MNAT1: variants seen among roughly 807,000 people sequenced by gnomAD.
MNAT1 encodes the protein CDK-activating kinase assembly factor MAT1.
In MNAT1, 43 loss-of-function variants were observed where a neutral mutation model predicts 42.0. The ratio of observed to expected loss-of-function variants is 1.02; its 90% CI spans 0.80 to 1.32. The LOEUF (loss-of-function observed/expected upper bound fraction) is 1.32, where lower values mean the gene tolerates loss of function less well. Among genes scored for constraint, MNAT1 ranks in the 40% most tolerant of loss-of-function variants. MNAT1 has a pLI of 0.00. For missense variants in MNAT1, 306 were observed against 350.4 expected (o/e 0.87, Z 1.01); for synonymous variants, 118 against 120.0 (o/e 0.98, Z 0.11).
chr14:60,779,136 G>C (rs967880726), intron 1 of MNAT1, among the ~76,000 whole-genome samples: 1 of 152,094 alleles, frequency 6.6e-6, no homozygotes, highest in African/African-American at 2.4e-5. Context: ...TCCTGGTAAG[G>C]GTAATTGACT....
At chr14:60,738,750 G>A (rs565445744) in intron 1 of MNAT1, among the ~76,000 whole-genome samples, 11 of 152,154 alleles carry the variant, frequency 7.2e-5, no homozygotes, top group East Asian at 1.9e-4. Context: ...GGTCAGGCTG[G>A]TCTTGAACTC....
chr14:60,904,989 TTTTTG>T (rs1375403156), intron 7 of MNAT1, among the ~76,000 whole-genome samples: 4 of 137,200 alleles, frequency 2.9e-5, no homozygotes, highest in South Asian at 2.4e-4. Context: ...TTTTTTTTTT[TTTTTG>T]GACGGAGTCT....
chr14:60,770,326 A>G (rs2031005708), intron 1 of MNAT1, among the ~76,000 whole-genome samples: 1 of 152,122 alleles, frequency 6.6e-6, no homozygotes, highest in Non-Finnish European at 1.5e-5. Context: ...CTATTCATCC[A>G]TCAGTGGATA....
At chr14:60,839,650 A>C (rs1351503272) in intron 6 of MNAT1, among the ~76,000 whole-genome samples, 1 of 152,220 alleles carries the variant, frequency 6.6e-6, no homozygotes, top group Non-Finnish European at 1.5e-5. Flanking sequence ...CCAGAGCCAG[A>C]GCTATGACAC....
chr14:60,858,909 C>G (rs1056221566), intron 6 of MNAT1, among the ~76,000 whole-genome samples: 1 of 152,258 alleles, frequency 6.6e-6, no homozygotes, highest in Middle Eastern at 3.4e-3. Flanking sequence ...ATAAACATAG[C>G]TTTTACATGC....
intron 6 of MNAT1, among the ~76,000 whole-genome samples, chr14:60,868,426 G>C (rs1158577416): frequency 2.6e-5 from 4 of 152,154 alleles, no homozygotes; most frequent in Admixed American, 2.6e-4. Flanking sequence ...AAATATTCTG[G>C]TTTCTGATTC....
intron 1 of MNAT1, among the ~76,000 whole-genome samples, chr14:60,755,950 T>C (rs1003547297): frequency 6.6e-6 from 1 of 152,216 alleles, no homozygotes; most frequent in Non-Finnish European, 1.5e-5. Context: ...ATGGGACCGC[T>C]TTCTAAAAAT....
rs186405276 is a variant in MNAT1, at chr14:60,793,184, T to G, written c.90-3033T>G. ...ATGCCCGGCTAATTTGTTGGTGTTG[T>G]TGTTGTTGTTTTTTGCTTGTTTGTT... On this transcript the variant is annotated intron_variant, in intron 1 of 7. Coordinates refer to ENST00000261245, the MANE Select transcript of MNAT1 (RefSeq NM_002431.4). 3.4e-3 allele frequency among the ~76,000 whole-genome samples: 520 copies of G among 151,594 alleles called. 3 individuals are homozygous for G. Among genetic ancestry groups the G allele is most frequent in the African/African-American group, 0.012 (504 of 41,334 alleles).
intron 6 of MNAT1, among the ~76,000 whole-genome samples, chr14:60,866,230 G>A (rs1213232590): frequency 6.6e-6 from 1 of 151,044 alleles, no homozygotes. Context: ...TTTACATAAA[G>A]AGATTAAAAT....
intron 7 of MNAT1, among the ~76,000 whole-genome samples, chr14:60,894,893 C>T (rs1031441310): frequency 1.3e-5 from 2 of 152,100 alleles, no homozygotes; most frequent in Admixed American, 1.3e-4. Flanking sequence ...TAAATCTTGG[C>T]CGTAACAGTT....
chr14:60,942,132 A>G (rs2036177212), intron 7 of MNAT1, among the ~76,000 whole-genome samples: 1 of 151,962 alleles, frequency 6.6e-6, no homozygotes, highest in Non-Finnish European at 1.5e-5. Flanking sequence ...TGATGAAAAT[A>G]CTTTTAGGGA....
intron 1 of MNAT1, among the ~76,000 whole-genome samples, chr14:60,760,301 A>C (rs2030548005): frequency 6.6e-6 from 1 of 152,138 alleles, no homozygotes; most frequent in African/African-American, 2.4e-5. Flanking sequence ...GGAAATTTAG[A>C]AATATGAAAT....
intron 6 of MNAT1, among the ~76,000 whole-genome samples, chr14:60,828,827 C>T (rs986489080): frequency 1.3e-5 from 2 of 152,122 alleles, no homozygotes; most frequent in African/African-American, 4.8e-5. Flanking sequence ...CTTTGGGAAA[C>T]ACTTATGTCT....
intron 7 of MNAT1, among the ~76,000 whole-genome samples, chr14:60,962,675 A>T (rs2036615830): frequency 6.6e-6 from 1 of 152,216 alleles, no homozygotes; most frequent in Non-Finnish European, 1.5e-5. Flanking sequence ...TAAGGCAGAA[A>T]GTCTTCTCCG....
intron 7 of MNAT1, among the ~76,000 whole-genome samples, chr14:60,966,270 C>T (rs1041546803): frequency 6.6e-6 from 1 of 151,892 alleles, no homozygotes; most frequent in South Asian, 2.1e-4. Flanking sequence ...CAGGCACCTG[C>T]CACTGTGCCT....
chr14:60,811,850 A>T, intron 4 of MNAT1, 137 bp from the exon 5 acceptor site: 1 of 572,440 alleles, frequency 1.7e-6, no homozygotes, highest in Non-Finnish European at 2.9e-6. Context: ...ATTTTCTTCA[A>T]TATGGAATTG....
At chr14:60,840,938 T>G (rs1207169252) in intron 6 of MNAT1, among the ~76,000 whole-genome samples, 3 of 152,210 alleles carry the variant, frequency 2.0e-5, no homozygotes, top group Non-Finnish European at 4.4e-5. Flanking sequence ...GTGCTGGGAT[T>G]ACAGGCATGA....
chr14:60,796,730 C>T (rs1439036323), intron 2 of MNAT1, among the ~76,000 whole-genome samples: 1 of 151,960 alleles, frequency 6.6e-6, no homozygotes, highest in Admixed American at 6.6e-5. Context: ...TGAGACTTAC[C>T]ATACAGTAGC....
intron 7 of MNAT1, among the ~76,000 whole-genome samples, chr14:60,925,644 T>TA (rs1294102098): frequency 1.3e-5 from 2 of 152,238 alleles, no homozygotes; most frequent in Non-Finnish European, 2.9e-5. Flanking sequence ...ACTTTTTTCT[T>TA]ACGTTTCTTA....
Sources: gnomAD v4.1 joint callset for allele counts (sites outside exome capture counted in the v4.1 genomes callset) on GRCh38, gnomAD v4.1.1 for gene constraint, MANE v1.5 for transcripts, NCBI Gene and HGNC (gene_info 2026-07-23, HGNC 2026-07-21) for gene names.